ACBD6: variants seen among roughly 807,000 people sequenced by gnomAD.
ACBD6 encodes acyl-CoA-binding domain-containing protein 6.
A neutral mutation model predicts 37.2 loss-of-function variants in ACBD6; 28 were observed. That is an observed-to-expected ratio of 0.75 (90% CI 0.56 to 1.03). The LOEUF (loss-of-function observed/expected upper bound fraction) is 1.03. Ranked by LOEUF, ACBD6 falls within the 50% of genes least tolerant of loss-of-function variation. ACBD6 has a pLI of 0.00. For synonymous variants in ACBD6, 113 were observed against 126.8 expected (o/e 0.89, Z 0.73); for missense variants, 340 against 337.4 (o/e 1.01, Z -0.06).
intron 4 of ACBD6, among the ~76,000 whole-genome samples, chr1:180,428,684 T>C (rs1372379820): frequency 6.6e-6 from 1 of 152,158 alleles, no homozygotes; most frequent in Non-Finnish European, 1.5e-5. Context: ...TTTTGAAAAA[T>C]ACTAGAGTAT....
In ACBD6 at chr1:180,372,095, T is replaced by A. The variant is rs74132477; in HGVS notation, c.663+25421A>T. 6.0e-3 allele frequency among the ~76,000 whole-genome samples: 906 copies of A among 152,088 alleles called. 9 individuals are homozygous for A. The highest frequency in any genetic ancestry group is 0.02 in the African/African-American group (848 of 41,548). ...TGATGATGATGGATAAACAACAATA[T>A]ACCACATAAAAGAACAACCAAGATT... On this transcript the variant is annotated intron_variant, in intron 6 of 7. Coordinates refer to ENST00000367595, the MANE Select transcript of ACBD6 (RefSeq NM_032360.4).
At chr1:180,441,182 C>A (rs1362557551) in intron 3 of ACBD6, among the ~76,000 whole-genome samples, 1 of 152,018 alleles carries the variant, frequency 6.6e-6, no homozygotes, top group Non-Finnish European at 1.5e-5. Context: ...TCCAATGTCT[C>A]TACATCCCTG....
chr1:180,496,173 T>C (rs1651732998), intron 1 of ACBD6, among the ~76,000 whole-genome samples: 1 of 152,194 alleles, frequency 6.6e-6, no homozygotes, highest in African/African-American at 2.4e-5. Flanking sequence ...CATTTGTAGT[T>C]AAACTGCACA....
At chr1:180,386,545 A>C (rs977734417) in intron 6 of ACBD6, among the ~76,000 whole-genome samples, 5 of 151,984 alleles carry the variant, frequency 3.3e-5, no homozygotes, top group African/African-American at 4.8e-5. Flanking sequence ...TCCTTCTAGC[A>C]CTCTGATGAC....
chr1:180,286,284 T>C (rs1270211503), downstream of ACBD6, among the ~76,000 whole-genome samples: 2 of 152,146 alleles, frequency 1.3e-5, no homozygotes, highest in African/African-American at 4.8e-5. Context: ...TAAAATAAAA[T>C]AAAAGATAAG....
At chr1:180,456,044 C>T (rs1007570278) in intron 3 of ACBD6, among the ~76,000 whole-genome samples, 2 of 151,926 alleles carry the variant, frequency 1.3e-5, no homozygotes, top group African/African-American at 4.8e-5. Flanking sequence ...AATCCTGTCC[C>T]TACTAAAAAT....
rs774387006 is a variant in ACBD6 at position 180,463,937 on chromosome 1, T to C, written c.384+28332A>G. ...CAATAAATGTGATTCATCACATAAA[T>C]AGAACTAAAGAAAAAAACCACATTA... is the stretch of plus-strand genomic sequence containing the variant. On this transcript the variant is annotated intron_variant, in intron 3 of 7. Coordinates refer to ENST00000367595, the MANE Select transcript of ACBD6 (RefSeq NM_032360.4). 2.1e-3 allele frequency among the ~76,000 whole-genome samples: 327 copies of C among 152,180 alleles called. 1 individual carries two copies. Among genetic ancestry groups the C allele is most frequent in the Non-Finnish European group, 4.0e-3 (269 of 67,994 alleles).
chr1:180,274,890 T>C (rs1648932912), exon 10 of ACBD6: 1 of 271,082 alleles, frequency 3.7e-6, no homozygotes, highest in Admixed American at 4.7e-5. Context: ...AGTGCTTTGG[T>C]AGCACAAGGT....
At chr1:180,457,793 GTT>G (rs200745890) in intron 3 of ACBD6, among the ~76,000 whole-genome samples, 5,207 of 136,564 alleles carry the variant, frequency 0.038, 127 homozygotes, top group Non-Finnish European at 0.055. Flanking sequence ...AAAATTAACT[GTT>G]TTTTTTTTTT....
At chr1:180,309,029 A>G (rs1650491016) in intron 7 of ACBD6, among the ~76,000 whole-genome samples, 1 of 152,228 alleles carries the variant, frequency 6.6e-6, no homozygotes, top group Admixed American at 6.5e-5. Context: ...CAGAAGTTAT[A>G]AAAGGGTTTA....
chr1:180,314,913 T>C (rs1029332960), intron 6 of ACBD6, among the ~76,000 whole-genome samples, 191 bp from the exon 7 acceptor site: 1 of 152,216 alleles, frequency 6.6e-6, no homozygotes, highest in African/African-American at 2.4e-5. Context: ...TAAAGAATGA[T>C]AACTTGTGCA....
At chr1:180,360,944 C>T (rs1428078669) in intron 6 of ACBD6, among the ~76,000 whole-genome samples, 30 of 152,044 alleles carry the variant, frequency 2.0e-4, no homozygotes. Flanking sequence ...TGGGCAAATA[C>T]CTACACATCA....
chr1:180,484,550 T>C (rs1651182471), intron 3 of ACBD6, among the ~76,000 whole-genome samples: 1 of 152,172 alleles, frequency 6.6e-6, no homozygotes, highest in East Asian at 1.9e-4. Context: ...ATGTACCCTG[T>C]AGTGTTGGGT....
intron 7 of ACBD6, among the ~76,000 whole-genome samples, chr1:180,298,461 T>C (rs950482273): frequency 2.0e-5 from 3 of 152,282 alleles, no homozygotes; most frequent in African/African-American, 7.2e-5. Context: ...ACACAAAAGA[T>C]GGCCATCTCA....
At chr1:180,310,228 T>A (rs535615138) in intron 7 of ACBD6, among the ~76,000 whole-genome samples, 1 of 152,198 alleles carries the variant, frequency 6.6e-6, no homozygotes, top group East Asian at 1.9e-4. Flanking sequence ...GGTGTAGTGG[T>A]GCGTGCCTGT....
intron 4 of ACBD6, among the ~76,000 whole-genome samples, chr1:180,418,046 T>C (rs1215809667): frequency 8.3e-5 from 1 of 12,082 alleles, no homozygotes; most frequent in Non-Finnish European, 1.4e-4. Context: ...CAAAGTCTAA[T>C]GTTCTTTTTA....
In ACBD6 at chr1:180,414,778, T is replaced by G. The variant is rs114987712; in HGVS notation, c.468-1307A>C. Among the ~76,000 whole-genome samples, 1,078 of 152,292 alleles carry G rather than the reference T, an allele frequency of 7.1e-3. 9 individuals carry two copies. The highest frequency in any genetic ancestry group is 0.024 in the African/African-American group (1,007 of 41,554). ...GTAGGTTTTAAGTAAGAAATCATGT[T>G]TAATAGGACTATATGGTCACTTGAA... On this transcript the variant is annotated intron_variant, in intron 4 of 7. Coordinates refer to ENST00000367595, the MANE Select transcript of ACBD6 (RefSeq NM_032360.4).
intron 3 of ACBD6, among the ~76,000 whole-genome samples, chr1:180,486,796 C>T (rs1183966172): frequency 6.6e-6 from 1 of 152,186 alleles, no homozygotes; most frequent in Non-Finnish European, 1.5e-5. Flanking sequence ...GTCTGGCAGA[C>T]ACCACCTTAC....
chr1:180,332,840 G>A (rs371425461), intron 6 of ACBD6, among the ~76,000 whole-genome samples: 10 of 152,248 alleles, frequency 6.6e-5, no homozygotes, highest in African/African-American at 2.4e-4. Context: ...AAAGGTTGGG[G>A]ACCACTGAGT....
Sources: gnomAD v4.1 joint callset for allele counts (sites outside exome capture counted in the v4.1 genomes callset) on GRCh38, gnomAD v4.1.1 for gene constraint, MANE v1.5 for transcripts, NCBI Gene and HGNC (gene_info 2026-07-23, HGNC 2026-07-21) for gene names.